The following CADPS variants were observed in gnomAD, a reference collection of about 807,000 sequenced individuals.
CADPS encodes calcium dependent secretion activator.
A neutral mutation model predicts 167.3 loss-of-function variants in CADPS; 57 were observed. The ratio of observed to expected loss-of-function variants is 0.34; its 90% confidence interval spans 0.28 to 0.42. The LOEUF is 0.42. CADPS is among the 20% of genes least tolerant of loss of function. CADPS has a pLI of 1.00. For missense variants in CADPS, 1,414 were observed against 1,738.1 expected, an observed-to-expected ratio of 0.81 and a Z score of 3.32; for synonymous variants, 676 against 635.3, an observed-to-expected ratio of 1.06 and a Z score of -0.96.
At chr3:62,830,418 T>G (rs1284642415) in intron 1 of CADPS, among the ~76,000 whole-genome samples, 1 of 152,180 alleles carries the variant, frequency 6.6e-6, no homozygotes, top group African/African-American at 2.4e-5. Flanking sequence ...CTGACAATCT[T>G]TTTCCCTCTT....
intron 6 of CADPS, among the ~76,000 whole-genome samples, chr3:62,613,958 G>A (rs186944694): frequency 1.8e-4 from 27 of 152,158 alleles, no homozygotes; most frequent in Non-Finnish European, 2.2e-4. Flanking sequence ...TGTGCTCCCC[G>A]AGTGACTGCC....
chr3:62,469,738 G>T, intron 24 of CADPS: 1 of 160,620 alleles, frequency 6.2e-6, no homozygotes, highest in Non-Finnish European at 1.4e-5. Context: ...CCGATCTCTT[G>T]ACCTCGTGAT....
intron 24 of CADPS, among the ~76,000 whole-genome samples, chr3:62,468,481 C>A (rs1004203582): frequency 1.3e-5 from 2 of 152,160 alleles, no homozygotes; most frequent in African/African-American, 4.8e-5. Context: ...GTTCTCCACA[C>A]ACCAACAAAG....
intron 1 of CADPS, among the ~76,000 whole-genome samples, chr3:62,798,159 G>C (rs567821220): frequency 2.0e-5 from 3 of 152,172 alleles, no homozygotes; most frequent in Non-Finnish European, 4.4e-5. Flanking sequence ...GTGTCAACTT[G>C]ATTGGATTGC....
chr3:62,723,748 T>G (rs755666912), intron 3 of CADPS, among the ~76,000 whole-genome samples: 43 of 152,186 alleles, frequency 2.8e-4, no homozygotes, highest in Non-Finnish European at 5.0e-4. Context: ...ATATGCTGCT[T>G]AAAATGCGAG....
At chr3:62,760,559 C>G (rs2085150540) in intron 2 of CADPS, among the ~76,000 whole-genome samples, 1 of 152,140 alleles carries the variant, frequency 6.6e-6, no homozygotes, top group South Asian at 2.1e-4. Context: ...GCCTTGGACA[C>G]TAAACTCATC....
chr3:62,532,754 T>C (rs894251330), intron 13 of CADPS, 117 bp downstream of exon 13: 6 of 720,022 alleles, frequency 8.3e-6, no homozygotes, highest in African/African-American at 7.1e-5. Flanking sequence ...TGTGTGTACG[T>C]GTGCACATAC....
chr3:62,609,110 T>A (rs1262694680), intron 6 of CADPS, among the ~76,000 whole-genome samples: 1 of 152,184 alleles, frequency 6.6e-6, no homozygotes, highest in East Asian at 1.9e-4. Context: ...CATTTGACAA[T>A]AACAAAACTT....
Position 62,474,170 on chromosome 3 carries a change from T to TTTTTTTTTTTTAA in CADPS, c.3477+2_3477+3insTTAAAAAAAAAAA. The TTTTTTTTTTTTAA allele has an allele frequency of 5.4e-6, 8 of 1,475,376 alleles. No individual in the cohort carries two copies. Among genetic ancestry groups the TTTTTTTTTTTTAA allele is most frequent in the Non-Finnish European group, 7.2e-6 (8 of 1,105,866 alleles). The allele number at this position is 1,475,376 out of a possible 1,614,324, so 91.4% of individuals were successfully genotyped here. On this transcript the variant is annotated splice_region_variant and intron_variant, in intron 24 of 29. Transcript: ENST00000383710. ...AAATCTGTATTTTTTTTTTTTTTTT[T>TTTTTTTTTTTTAA]ACCTCTTGGCCCATTTCCATGCTGC...
At chr3:62,470,158 C>T (rs533007863) in intron 24 of CADPS, among the ~76,000 whole-genome samples, 1 of 152,262 alleles carries the variant, frequency 6.6e-6, no homozygotes, top group Non-Finnish European at 1.5e-5. Flanking sequence ...AGATGGAAAA[C>T]TATGCTTAAC....
intron 7 of CADPS, among the ~76,000 whole-genome samples, chr3:62,587,126 C>T (rs957460056): frequency 6.6e-6 from 1 of 152,176 alleles, no homozygotes; most frequent in African/African-American, 2.4e-5. Context: ...GGTGTTGGCT[C>T]CACCATTTTC....
At chr3:62,732,271 CT>C (rs2078053514) in intron 3 of CADPS, among the ~76,000 whole-genome samples, 1 of 152,206 alleles carries the variant, frequency 6.6e-6, no homozygotes. Flanking sequence ...AAGCCTGTGA[CT>C]GCTGTACTGC....
At chr3:62,507,999 G>A (rs1251724778) in intron 17 of CADPS, among the ~76,000 whole-genome samples, 1 of 152,190 alleles carries the variant, frequency 6.6e-6, no homozygotes, top group African/African-American at 2.4e-5. Context: ...GGTTACAGAG[G>A]TTAGAAAGCC....
intron 1 of CADPS, among the ~76,000 whole-genome samples, chr3:62,838,086 C>CAGGAGTGAATTCTG (rs1308728925): frequency 6.6e-6 from 1 of 152,176 alleles, no homozygotes; most frequent in Non-Finnish European, 1.5e-5. Context: ...AGTATGCCAT[C>CAGGAGTGAATTCTG]AGGAGTGAAT....
chr3:62,437,995 C>A, intron 28 of CADPS, 109 bp downstream of exon 28: 1 of 714,876 alleles, frequency 1.4e-6, no homozygotes, highest in Non-Finnish European at 2.4e-6. Flanking sequence ...TAGTCTGAAT[C>A]AGAACCAATC....
intron 1 of CADPS, among the ~76,000 whole-genome samples, chr3:62,785,520 T>C (rs974676007): frequency 5.3e-5 from 8 of 152,176 alleles, no homozygotes; most frequent in African/African-American, 1.4e-4. Context: ...CAGTACATAA[T>C]GGTGAGATCT....
intron 3 of CADPS, among the ~76,000 whole-genome samples, chr3:62,681,737 A>T (rs1023194620): frequency 6.6e-6 from 1 of 152,062 alleles, no homozygotes; most frequent in Non-Finnish European, 1.5e-5. Flanking sequence ...GCCTTGTTAC[A>T]GAGTGTCATT....
chr3:62,715,353 C>CCAATCTAT (rs1554105582), intron 3 of CADPS, among the ~76,000 whole-genome samples: 2 of 140,426 alleles, frequency 1.4e-5, no homozygotes, highest in Middle Eastern at 3.6e-3. Flanking sequence ...GTTGGCCAGC[C>CCAATCTAT]CTATCTATCT....
intron 13 of CADPS, among the ~76,000 whole-genome samples, chr3:62,528,171 A>T (rs1047689539): frequency 2.0e-5 from 3 of 152,178 alleles, no homozygotes; most frequent in Non-Finnish European, 4.4e-5. Context: ...TTGCCATCTC[A>T]CACCATATAC....
Sources: allele counts gnomAD v4.1 joint callset (sites outside exome capture counted in the v4.1 genomes callset), GRCh38; gene constraint gnomAD v4.1.1; transcripts MANE v1.5; gene names NCBI Gene and HGNC (gene_info 2026-07-23, HGNC 2026-07-21).